NEBL: variants seen among roughly 807,000 people sequenced by gnomAD.
NEBL encodes the protein LIM and SH3 protein 2.
Under a neutral mutation model 140.2 loss-of-function variants are expected in NEBL, and 122 were observed. The ratio of observed to expected loss-of-function variants is 0.87; its 90% confidence interval spans 0.75 to 1.01. NEBL has a LOEUF of 1.01. NEBL is among the 50% of genes least tolerant of loss of function. The pLI, the probability that NEBL is intolerant of heterozygous loss-of-function variation, is 0.00. For synonymous variants in NEBL, 436 were observed against 398.9 expected (o/e 1.09, Z -1.11); for missense variants, 1,365 against 1,231.3 (o/e 1.11, Z -1.62).
intron 2 of NEBL, among the ~76,000 whole-genome samples, chr10:21,020,975 TC>T (rs1838767544): frequency 6.6e-6 from 1 of 152,100 alleles, no homozygotes; most frequent in African/African-American, 2.4e-5. Context: ...ATTTGCAGAT[TC>T]CATACCCAGC....
chr10:20,783,032 C>G lies in NEBL; in HGVS notation c.*2715G>C, dbSNP rs1411146786. On this transcript the variant is annotated 3_prime_UTR_variant, in exon 28 of 28. Coordinates refer to ENST00000377122, the MANE Select transcript of NEBL (RefSeq NM_006393.3). ...CTTTAGAAAGTCAGGTGCATGCTCT[C>G]TGTGCTTGGACATTTACACAGTCAT... The G allele has an allele frequency of 1.3e-5, 2 of 152,638 alleles. No homozygotes were observed. Among genetic ancestry groups the G allele is most frequent in the African/African-American group, 4.8e-5 (2 of 41,450 alleles). 9.5% of individuals were successfully genotyped at this position (152,638 alleles called of 1,614,324 possible).
chr10:21,188,979 A>G (rs1050888481), intron 3 of NEBL, among the ~76,000 whole-genome samples: 2 of 152,306 alleles, frequency 1.3e-5, no homozygotes, highest in Middle Eastern at 3.4e-3. Context: ...CCTACAATAT[A>G]TATAAGATTT....
At chr10:21,031,613 T>C (rs763393798) in intron 2 of NEBL, among the ~76,000 whole-genome samples, 59 of 152,136 alleles carry the variant, frequency 3.9e-4, no homozygotes, top group Admixed American at 2.2e-3. Flanking sequence ...GCCTAGAAAA[T>C]CTGAACTGAA....
intron 12 of NEBL, among the ~76,000 whole-genome samples, chr10:20,844,897 A>T (rs1841758538): frequency 6.6e-6 from 1 of 152,120 alleles, no homozygotes; most frequent in African/African-American, 2.4e-5. Flanking sequence ...TATAATAACT[A>T]AATTTGAAAG....
At chr10:20,852,964 G>T (rs182538673) in intron 9 of NEBL, among the ~76,000 whole-genome samples, 22 of 152,198 alleles carry the variant, frequency 1.4e-4, no homozygotes, top group African/African-American at 5.1e-4. Context: ...TGCGGAAAAA[G>T]GTAAAGTGGG....
At chr10:20,892,388 A>C (rs762077102) in intron 2 of NEBL, among the ~76,000 whole-genome samples, 1 of 152,200 alleles carries the variant, frequency 6.6e-6, no homozygotes, top group Non-Finnish European at 1.5e-5. Context: ...GGAATAAGCC[A>C]CCATACTAAT....
intron 2 of NEBL, among the ~76,000 whole-genome samples, chr10:21,139,865 C>T (rs1157658566): frequency 6.6e-6 from 1 of 151,586 alleles, no homozygotes; most frequent in African/African-American, 2.4e-5. Flanking sequence ...GTATATGGAA[C>T]ATGGTCAGGC....
intron 4 of NEBL, among the ~76,000 whole-genome samples, chr10:20,884,619 C>T (rs145806161): frequency 6.6e-4 from 100 of 152,302 alleles, no homozygotes; most frequent in African/African-American, 2.3e-3. Context: ...AGAATAATAA[C>T]ATAACTTACA....
chr10:20,823,082 T>G (rs1279467005), intron 19 of NEBL, 126 bp downstream of exon 19: 17 of 693,892 alleles, frequency 2.4e-5, no homozygotes, highest in Non-Finnish European at 4.1e-5. Flanking sequence ...TAGCTCCACT[T>G]TTAAGGAACC....
intron 11 of NEBL, among the ~76,000 whole-genome samples, chr10:20,848,002 T>C (rs1362496535): frequency 6.6e-6 from 1 of 152,172 alleles, no homozygotes; most frequent in African/African-American, 2.4e-5. Context: ...ACATTTTTTT[T>C]CTAAATGGGA....
intron 4 of NEBL, among the ~76,000 whole-genome samples, chr10:20,914,983 T>TTTTTTTTTTTTTTTTTTTTG (rs1848483230): frequency 6.7e-6 from 1 of 149,140 alleles, no homozygotes; most frequent in African/African-American, 2.5e-5. Flanking sequence ...TTTTTTTTTT[T>TTTTTTTTTTTTTTTTTTTTG]GGAGAGATGG....
intron 3 of NEBL, among the ~76,000 whole-genome samples, chr10:20,973,541 C>A (rs1008092957): frequency 2.0e-5 from 3 of 152,184 alleles, no homozygotes; most frequent in African/African-American, 4.8e-5. Context: ...TAAGCCATCG[C>A]TCCCAGACTA....
intron 2 of NEBL, among the ~76,000 whole-genome samples, chr10:21,061,497 T>A (rs1335133736): frequency 6.7e-6 from 1 of 148,220 alleles, no homozygotes; most frequent in African/African-American, 2.4e-5. Flanking sequence ...ATATGATATA[T>A]CATATATTAC....
intron 2 of NEBL, among the ~76,000 whole-genome samples, chr10:21,143,448 C>CAAAAAAAAAAAAAA (rs72021692): frequency 1.5e-5 from 1 of 66,474 alleles, no homozygotes. Context: ...AACTTCATCT[C>CAAAAAAAAAAAAAA]AAAAAAAAAA....
At position 20,880,875 on chromosome 10, in the gene NEBL, G is replaced by C; in HGVS notation, c.399C>G (p.Ala133=). 6.2e-6 allele frequency: 10 copies of C among 1,614,000 alleles called. No individual in the cohort carries two copies. The South Asian group carries it at 1.1e-4, about 18-fold the overall frequency. Residue 133 remains alanine (A), a synonymous_variant, in exon 5 of 28, where the codon GCC becomes GCG. Transcript: ENST00000377122. ...TGTGGGCATAATCTGAGAATCCTTT[G>C]GCAGCATCATGTTTCTGCTTGTAGG... ...EVAYKQKHDA[A]KGFSDYAHMK...
chr10:20,788,728 A>G (rs1208764493), intron 26 of NEBL, among the ~76,000 whole-genome samples: 1 of 152,258 alleles, frequency 6.6e-6, no homozygotes, highest in Admixed American at 6.5e-5. Context: ...AGAAAAGAAC[A>G]CTTTTTAACA....
intron 2 of NEBL, among the ~76,000 whole-genome samples, chr10:21,149,209 G>A (rs1376987381): frequency 2.6e-5 from 4 of 152,192 alleles, no homozygotes; most frequent in Non-Finnish European, 5.9e-5. Flanking sequence ...TCCTGGAGGG[G>A]GTGCAGCAGG....
chr10:21,229,464 A>C (rs1425175669), intron 3 of NEBL, among the ~76,000 whole-genome samples: 1 of 152,164 alleles, frequency 6.6e-6, no homozygotes, highest in Non-Finnish European at 1.5e-5. Flanking sequence ...AATGTTACCA[A>C]TTTGGAATAA....
At chr10:21,182,395 G>T (rs561516609) in intron 3 of NEBL, among the ~76,000 whole-genome samples, 2 of 152,282 alleles carry the variant, frequency 1.3e-5, no homozygotes, top group South Asian at 2.1e-4. Context: ...AGGATCGTTT[G>T]AATCCAGGAG....
Sources: gnomAD v4.1 joint callset for allele counts (sites outside exome capture counted in the v4.1 genomes callset) on GRCh38, gnomAD v4.1.1 for gene constraint, MANE v1.5 for transcripts, NCBI Gene and HGNC (gene_info 2026-07-23, HGNC 2026-07-21) for gene names.